The following SLC30A8 variants were observed in gnomAD, a reference collection of about 807,000 sequenced individuals.
SLC30A8 encodes the protein proton-coupled zinc antiporter SLC30A8.
A neutral mutation model predicts 36.9 loss-of-function variants in SLC30A8; 27 were observed. That is an observed-to-expected ratio of 0.73 (90% CI 0.54 to 1.01). The LOEUF (loss-of-function observed/expected upper bound fraction) is 1.01. Ranked by LOEUF, SLC30A8 falls within the 50% of genes least tolerant of loss-of-function variation. SLC30A8 has a pLI of 0.00. For missense variants in SLC30A8, 439 were observed against 452.0 expected, an observed-to-expected ratio of 0.97 and a Z score of 0.26; for synonymous variants, 164 against 172.4, an observed-to-expected ratio of 0.95 and a Z score of 0.38.
intron 2 of SLC30A8, among the ~76,000 whole-genome samples, chr8:117,069,121 A>G (rs1230643180): frequency 1.3e-5 from 2 of 152,226 alleles, no homozygotes; most frequent in African/African-American, 4.8e-5. Flanking sequence ...CAATTTTATT[A>G]GAGAGCAATG....
intron 1 of SLC30A8, among the ~76,000 whole-genome samples, chr8:117,023,196 G>A (rs1183779000): frequency 6.6e-6 from 1 of 152,192 alleles, no homozygotes; most frequent in Non-Finnish European, 1.5e-5. Flanking sequence ...AGTTAGAATG[G>A]CTATCATTAA....
chr8:117,086,809 ACT>A (rs1818895081), intron 2 of SLC30A8, among the ~76,000 whole-genome samples: 3 of 152,290 alleles, frequency 2.0e-5, no homozygotes, highest in Admixed American at 2.0e-4. Flanking sequence ...TGGAAAGTAC[ACT>A]CTACTCATCC....
chr8:117,120,170 T>C (rs368850780), intron 2 of SLC30A8, among the ~76,000 whole-genome samples: 1 of 151,866 alleles, frequency 6.6e-6, no homozygotes, highest in Non-Finnish European at 1.5e-5. Context: ...AAAGTAATCT[T>C]GAGAAAAAAC....
At chr8:117,169,972 G>A (rs1219813009) in intron 6 of SLC30A8, among the ~76,000 whole-genome samples, 1 of 152,092 alleles carries the variant, frequency 6.6e-6, no homozygotes, top group Non-Finnish European at 1.5e-5. Flanking sequence ...ATTGTCTGGG[G>A]TTGGGGCTGG....
At chr8:117,054,862 G>C (rs1013347062) in intron 2 of SLC30A8, among the ~76,000 whole-genome samples, 1 of 152,034 alleles carries the variant, frequency 6.6e-6, no homozygotes, top group African/African-American at 2.4e-5. Flanking sequence ...TTTATTCAGA[G>C]CCCTAAAAGT....
chr8:117,126,480 T>C (rs2130912643), intron 2 of SLC30A8, among the ~76,000 whole-genome samples: 1 of 152,106 alleles, frequency 6.6e-6, no homozygotes, highest in East Asian at 1.9e-4. Context: ...CTTCAAAGGC[T>C]TTACTCTGAA....
At chr8:116,957,146 C>T (rs1348486576) in intron 1 of SLC30A8, among the ~76,000 whole-genome samples, 1 of 152,166 alleles carries the variant, frequency 6.6e-6, no homozygotes, top group Non-Finnish European at 1.5e-5. Context: ...AATCATCCTT[C>T]AACTCATGGG....
chr8:117,150,841 G>A (rs1242850572), intron 2 of SLC30A8, among the ~76,000 whole-genome samples: 1 of 152,024 alleles, frequency 6.6e-6, no homozygotes, highest in African/African-American at 2.4e-5. Flanking sequence ...TCCTGACCTC[G>A]TGATCCGCCC....
At chr8:116,983,349 AAT>A (rs753011546) in intron 1 of SLC30A8, among the ~76,000 whole-genome samples, 11 of 152,072 alleles carry the variant, frequency 7.2e-5, no homozygotes, top group Non-Finnish European at 1.6e-4. Flanking sequence ...TGAGCTCTGG[AAT>A]TTCTACTTTT....
At chr8:117,026,661 A>G (rs898223951) in intron 1 of SLC30A8, among the ~76,000 whole-genome samples, 44 of 152,174 alleles carry the variant, frequency 2.9e-4, no homozygotes, top group African/African-American at 1.0e-3. Flanking sequence ...GTACACTGTT[A>G]GACAAGCCAC....
At chr8:117,072,952 C>G (rs1818377245) in intron 2 of SLC30A8, among the ~76,000 whole-genome samples, 1 of 151,554 alleles carries the variant, frequency 6.6e-6, no homozygotes. Flanking sequence ...GTAAAATTTC[C>G]ATTAAATTTA....
intron 2 of SLC30A8, among the ~76,000 whole-genome samples, chr8:117,087,021 A>C (rs1378437666): frequency 2.0e-5 from 3 of 152,212 alleles, no homozygotes; most frequent in Non-Finnish European, 1.5e-5. Flanking sequence ...TCACATGGCT[A>C]TCTCCTTCTT....
intron 1 of SLC30A8, among the ~76,000 whole-genome samples, chr8:116,997,112 A>AC (rs1329991454): frequency 6.6e-6 from 1 of 152,040 alleles, no homozygotes; most frequent in Non-Finnish European, 1.5e-5. Flanking sequence ...GTTTCTAAAA[A>AC]CCTGTTTGCA....
intron 2 of SLC30A8, chr8:117,128,690 A>G (rs1025527290): frequency 1.3e-5 from 2 of 152,088 alleles, no homozygotes; most frequent in African/African-American, 2.4e-5. Flanking sequence ...AATTGGTAGT[A>G]CAATTTATTT....
intron 2 of SLC30A8, among the ~76,000 whole-genome samples, chr8:117,076,599 A>G (rs944494500): frequency 1.3e-5 from 2 of 152,210 alleles, no homozygotes; most frequent in African/African-American, 4.8e-5. Context: ...TATTAATTAA[A>G]CACAGGAAGT....
chr8:116,985,278 G>T (rs1056764608), intron 1 of SLC30A8, among the ~76,000 whole-genome samples: 1 of 144,586 alleles, frequency 6.9e-6, no homozygotes, highest in African/African-American at 2.6e-5. Flanking sequence ...GCAAGCATGT[G>T]CATGCTCACA....
intron 1 of SLC30A8, among the ~76,000 whole-genome samples, chr8:117,025,337 T>C (rs1171045787): frequency 6.6e-6 from 1 of 152,242 alleles, no homozygotes; most frequent in East Asian, 1.9e-4. Context: ...TCAGAACTTT[T>C]ATGCATTTTG....
chr8:117,087,849 A>G (rs1818941754), intron 2 of SLC30A8, among the ~76,000 whole-genome samples: 1 of 152,138 alleles, frequency 6.6e-6, no homozygotes, highest in Non-Finnish European at 1.5e-5. Flanking sequence ...TTAGACTTAT[A>G]TAAACAGTAT....
chr8:117,132,496 C>T (rs570376078), upstream of SLC30A8, among the ~76,000 whole-genome samples: 22 of 152,064 alleles, frequency 1.4e-4, no homozygotes, highest in South Asian at 3.7e-3. Context: ...GAGAAGACAA[C>T]CTGTAATTCG....
Sources: allele counts gnomAD v4.1 joint callset (sites outside exome capture counted in the v4.1 genomes callset), GRCh38; gene constraint gnomAD v4.1.1; transcripts MANE v1.5; gene names NCBI Gene and HGNC (gene_info 2026-07-23, HGNC 2026-07-21).